RICTOR: variants seen among roughly 807,000 people sequenced by gnomAD.
RICTOR encodes RPTOR independent companion of MTOR complex 2.
RICTOR carries 49 observed loss-of-function variants against 214.9 expected under a neutral mutation model. The ratio of observed to expected loss-of-function variants is 0.23; its 90% confidence interval spans 0.18 to 0.29. The LOEUF (loss-of-function observed/expected upper bound fraction) is 0.29. Ranked by LOEUF, RICTOR falls within the 10% of genes least tolerant of loss-of-function variation. The pLI is 1.00. For missense variants in RICTOR, 1,625 were observed against 2,047.0 expected (o/e 0.79, Z 3.98); for synonymous variants, 717 against 711.3 (o/e 1.01, Z -0.13).
intron 10 of RICTOR, among the ~76,000 whole-genome samples, chr5:38,973,475 A>G (rs1750954145): frequency 6.6e-6 from 1 of 152,196 alleles, no homozygotes; most frequent in Non-Finnish European, 1.5e-5. Context: ...AGGTGGAAGT[A>G]TATGGGTGTT....
At chr5:39,033,749 G>A (rs1011594169) in intron 2 of RICTOR, among the ~76,000 whole-genome samples, 4 of 151,974 alleles carry the variant, frequency 2.6e-5, no homozygotes, top group African/African-American at 9.7e-5. Context: ...ACACTACCTC[G>A]GTAATGGGAT....
chr5:38,961,189 T>C (rs1006325553), intron 19 of RICTOR, among the ~76,000 whole-genome samples: 5 of 151,838 alleles, frequency 3.3e-5, no homozygotes, highest in Admixed American at 2.0e-4. Flanking sequence ...TATGGTGAGA[T>C]GGTTAGAAAA....
chr5:38,985,104 C>CCCAG (rs2150067875), intron 7 of RICTOR, among the ~76,000 whole-genome samples: 1 of 152,288 alleles, frequency 6.6e-6, no homozygotes, highest in East Asian at 1.9e-4. Context: ...AGCCACCATG[C>CCCAG]CCAGCCTAAA....
chr5:38,949,588 A>G (rs2112843253), intron 31 of RICTOR, 124 bp downstream of exon 31: 1 of 1,050,298 alleles, frequency 9.5e-7, no homozygotes, highest in Non-Finnish European at 1.4e-6. Flanking sequence ...ATAGCCTACC[A>G]TAGTAAACAA....
chr5:38,984,691 C>T (rs1353978787), intron 7 of RICTOR, among the ~76,000 whole-genome samples: 3 of 151,990 alleles, frequency 2.0e-5, no homozygotes, highest in Non-Finnish European at 4.4e-5. Context: ...TATCATTTAT[C>T]ACCTCAAGAA....
At chr5:39,069,712 T>C (rs1417438761) in intron 2 of RICTOR, among the ~76,000 whole-genome samples, 1 of 152,344 alleles carries the variant, frequency 6.6e-6, no homozygotes, top group African/African-American at 2.4e-5. Flanking sequence ...GCCAACGCCA[T>C]GGTCCAGTCT....
In RICTOR at chr5:39,026,499, A is replaced by T. The variant is rs114382013; in HGVS notation, c.98-5363T>A. Among the ~76,000 whole-genome samples the T allele has an allele frequency of 5.7e-3, 873 of 152,256 alleles. 13 individuals carry two copies. The highest frequency in any genetic ancestry group is 0.018 in the African/African-American group (765 of 41,538). ...ATATTGTGTAGACTGTAAATACTAC[A>T]CGTATTCCTGATGAATCTCTCTGGA... On this transcript the variant is annotated intron_variant, in intron 2 of 37. Transcript: ENST00000357387.
At chr5:39,061,762 A>G (rs999438695) in intron 2 of RICTOR, among the ~76,000 whole-genome samples, 4 of 152,014 alleles carry the variant, frequency 2.6e-5, no homozygotes, top group African/African-American at 9.7e-5. Flanking sequence ...GCCACAGTTT[A>G]CCTGAATCTT....
Position 38,962,918 on chromosome 5 carries a change from C to G in RICTOR, c.1524G>C (p.Arg508=). Residue 508 remains arginine (R), a synonymous_variant, in exon 17 of 38, where the codon CGG becomes CGC. Coordinates refer to ENST00000357387, the MANE Select transcript of RICTOR (RefSeq NM_152756.5). The part of the protein sequence containing the change: ...IQKAIATHQK[R]DQYLRVQKDI... ...CTTTCTGAACTCGGAGATACTGATC[C>G]CGTTTCTGGTGTGTTGCAATTGCTT... is the stretch of plus-strand genomic sequence containing the variant. 6.2e-7 allele frequency: 1 copy of G among 1,612,854 alleles called. No individual in the cohort carries two copies. The highest frequency in any genetic ancestry group is 8.5e-7 in the Non-Finnish European group (1 of 1,179,082).
At chr5:39,033,888 T>A (rs1756457569) in intron 2 of RICTOR, among the ~76,000 whole-genome samples, 1 of 152,212 alleles carries the variant, frequency 6.6e-6, no homozygotes, top group Admixed American at 6.5e-5. Context: ...AATAAATTTT[T>A]CTCTCAAGGA....
chr5:39,031,757 C>T (rs1402557856), intron 2 of RICTOR, among the ~76,000 whole-genome samples: 2 of 152,142 alleles, frequency 1.3e-5, no homozygotes, highest in Non-Finnish European at 2.9e-5. Flanking sequence ...GCGACTTCAA[C>T]AGTAGAACAA....
intron 35 of RICTOR, 66 bp downstream of exon 35, chr5:38,944,842 AAAAAC>A (rs991058673): frequency 7.6e-6 from 11 of 1,449,104 alleles, no homozygotes; most frequent in African/African-American, 1.4e-5. Context: ...AGTATTTACG[AAAAAC>A]AAAACAAAAC....
intron 4 of RICTOR, among the ~76,000 whole-genome samples, chr5:39,002,974 G>A (rs1024159810): frequency 2.0e-5 from 3 of 151,842 alleles, no homozygotes; most frequent in South Asian, 2.1e-4. Context: ...TATAAACAAT[G>A]GTACAGCCTT....
Position 38,953,464 on chromosome 5 carries a change from G to T in RICTOR, c.2787C>A (p.Ala929=). Residue 929 remains alanine (A), a synonymous_variant, in exon 28 of 38, where the codon GCC becomes GCA. Coordinates refer to ENST00000357387, the MANE Select transcript of RICTOR (RefSeq NM_152756.5). ...TACAGAAGTGTTTATTACAAACCAAGGCCCAAAGAGATGCTTTCAGTTTTT... is the reference window on the plus strand; with the variant it reads ...TACAGAAGTGTTTATTACAAACCAATGCCCAAAGAGATGCTTTCAGTTTTT... The part of the protein sequence containing the change: ...EIKKLKASLW[A]LGNIGSSNWG... The T allele has an allele frequency of 7.0e-7, 1 of 1,421,536 alleles. No homozygotes were observed. Among genetic ancestry groups the T allele is most frequent in the South Asian group, 1.5e-5 (1 of 68,482 alleles). 88.1% of individuals were successfully genotyped at this position (1,421,536 alleles called of 1,614,324 possible).
rs531921827 is a variant in RICTOR at position 38,983,460 on chromosome 5, C to T, written c.584-1424G>A. On this transcript the variant is annotated intron_variant, in intron 7 of 37. Coordinates refer to ENST00000357387, the MANE Select transcript of RICTOR (RefSeq NM_152756.5). ...AATATATAAACATATTTTATTTTGG[C>T]TAATAACCTGGCTAAAAGTTTTAAA... is the stretch of plus-strand genomic sequence containing the variant. Among the ~76,000 whole-genome samples, 49 of 152,206 alleles carry T rather than the reference C, an allele frequency of 3.2e-4. 1 individual carries two copies. The highest frequency in any genetic ancestry group is 7.7e-4 in the African/African-American group (32 of 41,520).
At chr5:39,006,050 G>A (rs185036883) in intron 3 of RICTOR, among the ~76,000 whole-genome samples, 1 of 152,304 alleles carries the variant, frequency 6.6e-6, no homozygotes, top group African/African-American at 2.4e-5. Context: ...CATCTAGGTA[G>A]GACTCCACCA....
rs754102798 is a variant in RICTOR at position 38,964,805 on chromosome 5, T to C, written c.1387A>G (p.Lys463Glu). Residue 463 changes from lysine (K) to glutamate (E), a missense_variant, in exon 16 of 38, where the codon AAG (lysine) becomes GAG (glutamate). Physicochemically the swap from Lys to Glu is moderately conservative, Grantham distance 56. Around this residue, in one of 5 missense-constraint regions of RICTOR, gnomAD observed 1,214 missense variants for 1,470.5 expected, o/e 0.83. Transcript: ENST00000357387. ...TCTGATACTTACAGTCTCTTTTCCT[T>C]GGGGATATCAAAGGATGCAGCCATA... ...MNMAASFDIPKEKRLRASAAL... is the reference protein window; with the variant it reads ...MNMAASFDIPEEKRLRASAAL... 1.3e-6 allele frequency: 2 copies of C among 1,575,888 alleles called. No individual in the cohort carries two copies. Among genetic ancestry groups the C allele is most frequent in the Admixed American group, 1.7e-5 (1 of 58,962 alleles).
rs1412627977 is a variant in RICTOR at position 38,940,153 on chromosome 5, A to AC, written c.*2150_*2151insG. The AC allele has an allele frequency of 1.0e-3, 234 of 228,964 alleles. 1 individual carries two copies. Among genetic ancestry groups the AC allele is most frequent in the African/African-American group, 5.1e-3 (228 of 44,616 alleles). 14.2% of individuals were successfully genotyped at this position (228,964 alleles called of 1,614,324 possible). On this transcript the variant is annotated 3_prime_UTR_variant, in exon 38 of 38. Transcript: ENST00000357387. ...AGTAAAAAAAAAAAACAAAAAAAAA[A>AC]ACACAAAACATTCAGGCCAATACTA...
intron 2 of RICTOR, among the ~76,000 whole-genome samples, chr5:39,034,457 G>A (rs1008217832): frequency 1.7e-4 from 26 of 152,346 alleles, no homozygotes; most frequent in Non-Finnish European, 2.4e-4. Context: ...GGGGAGTGCC[G>A]GACAGCGGAT....
Sources: gnomAD v4.1 joint callset for allele counts (sites outside exome capture counted in the v4.1 genomes callset) on GRCh38, gnomAD v4.1.1 for gene constraint, gnomAD v4.1.1 regional missense constraint, MANE v1.5 for transcripts, NCBI Gene and HGNC (gene_info 2026-07-23, HGNC 2026-07-21) for gene names.